BRI3: variants seen among roughly 807,000 people sequenced by gnomAD.
BRI3 encodes brain protein I3.
A neutral mutation model predicts 12.8 loss-of-function variants in BRI3; 6 were observed. The observed-to-expected ratio is 0.47, with a 90% CI of 0.26 to 0.93. BRI3 has a LOEUF of 0.93. Among genes scored for constraint, BRI3 ranks in the 40% least tolerant of loss-of-function variants. The probability of loss-of-function intolerance (pLI) is 0.15; values close to 1 mark genes in which losing one functional copy is unlikely to be tolerated. For synonymous variants in BRI3, 91 were observed against 76.1 expected, an observed-to-expected ratio of 1.20 and a Z score of -1.02; for missense variants, 134 against 171.1, an observed-to-expected ratio of 0.78 and a Z score of 1.21.
chr7:98,282,107 G>T (rs1799538276), intron 1 of BRI3, among the ~76,000 whole-genome samples, 170 bp downstream of exon 1: 2 of 152,152 alleles, frequency 1.3e-5, no homozygotes, highest in Non-Finnish European at 2.9e-5. Context: ...CCCCCCCGGG[G>T]CTCTAGTCCT....
At chr7:98,304,227 G>T (rs1800542834), upstream of BRI3, 1 of 1,611,048 alleles carries the variant, frequency 6.2e-7, no homozygotes, top group East Asian at 2.2e-5. Context: ...GGACGCTGGG[G>T]CCTTAAAGGT....
intron 2 of BRI3, among the ~76,000 whole-genome samples, chr7:98,288,211 T>G (rs990677865): frequency 6.6e-6 from 1 of 152,224 alleles, no homozygotes; most frequent in African/African-American, 2.4e-5. Context: ...CTGAGAGGCC[T>G]GAGGCCACTG....
chr7:98,282,323 C>T (rs1562955505), intron 1 of BRI3, 28 bp from the exon 2 acceptor site: 7 of 1,573,878 alleles, frequency 4.4e-6, no homozygotes, highest in East Asian at 2.2e-5. Context: ...CCTCCCTGCA[C>T]CCTAATGACC....
chr7:98,319,586 G>A, the BRI3 span, among the ~76,000 whole-genome samples: 3 of 140,188 alleles, frequency 2.1e-5, no homozygotes, highest in East Asian at 2.1e-4. Context: ...TTGCTCTGTC[G>A]CCCAGGCTGG....
intron 2 of BRI3, among the ~76,000 whole-genome samples, chr7:98,289,877 T>C (rs531267780): frequency 1.6e-4 from 24 of 152,344 alleles, no homozygotes; most frequent in African/African-American, 5.3e-4. Context: ...TGATTTCAGG[T>C]CACTGAACCT....
chr7:98,294,455 CAG>C (rs1800102254), downstream of BRI3, among the ~76,000 whole-genome samples: 1 of 152,234 alleles, frequency 6.6e-6, no homozygotes, highest in African/African-American at 2.4e-5. Flanking sequence ...TCCCAGGTGT[CAG>C]AGCGTGAACA....
chr7:98,320,337 C>T, the BRI3 span: 328 of 1,486,048 alleles, frequency 2.2e-4, 2 homozygotes, highest in East Asian at 5.2e-4. Context: ...GAAGCCATTG[C>T]GTATTTTTTT....
the BRI3 span, among the ~76,000 whole-genome samples, chr7:98,316,486 ACT>A: frequency 2.0e-5 from 3 of 152,128 alleles, no homozygotes; most frequent in Admixed American, 2.0e-4. Flanking sequence ...ACTCAGGGAA[ACT>A]CTACAGCCTT....
chr7:98,312,529 A>T (rs1019458827), downstream of BRI3, among the ~76,000 whole-genome samples: 6 of 152,118 alleles, frequency 3.9e-5, no homozygotes, highest in Admixed American at 2.0e-4. Flanking sequence ...GGGGATGGTA[A>T]ATGGTTAAGA....
At chr7:98,306,559 T>C (rs779147963) in exon 1 of BRI3, 9 of 1,613,790 alleles carry the variant, frequency 5.6e-6, no homozygotes, top group Middle Eastern at 1.6e-4. Flanking sequence ...GCAGTAGACA[T>C]GTGGACGGCA....
At chr7:98,296,428 C>T (rs1439117599), downstream of BRI3, among the ~76,000 whole-genome samples, 3 of 152,108 alleles carry the variant, frequency 2.0e-5, no homozygotes, top group Non-Finnish European at 4.4e-5. Context: ...GAGTTCGAGA[C>T]CAGCCTGACC....
At chr7:98,317,495 G>A in the BRI3 span, 3 of 1,094,392 alleles carry the variant, frequency 2.7e-6, 1 homozygote, top group South Asian at 4.4e-5. Flanking sequence ...ACACTGGCTG[G>A]GGCCCCCACA....
chr7:98,294,037 G>T, downstream of BRI3: 1 of 1,609,388 alleles, frequency 6.2e-7, no homozygotes, highest in Middle Eastern at 1.7e-4. Flanking sequence ...GAAGAGCAAT[G>T]TCACACACTG....
At chr7:98,285,978 G>A (rs1284027160) in intron 2 of BRI3, among the ~76,000 whole-genome samples, 2 of 152,200 alleles carry the variant, frequency 1.3e-5, no homozygotes, top group African/African-American at 4.8e-5. Flanking sequence ...GTTCCTGGGC[G>A]TGGATGGTGC....
chr7:98,283,747 C>G (rs1051736605), intron 2 of BRI3, among the ~76,000 whole-genome samples: 2 of 152,206 alleles, frequency 1.3e-5, no homozygotes, highest in African/African-American at 2.4e-5. Context: ...CGGTCCTGGT[C>G]CTGCCAGGAA....
At chr7:98,310,385 C>T in exon 2 of BRI3, 1 of 1,521,466 alleles carries the variant, frequency 6.6e-7, no homozygotes, top group Non-Finnish European at 8.9e-7. Context: ...ATTTATTTCA[C>T]AGCTTATCTT....
intron 2 of BRI3, among the ~76,000 whole-genome samples, chr7:98,289,284 C>T (rs1449701994): frequency 1.3e-5 from 2 of 152,218 alleles, no homozygotes; most frequent in Admixed American, 6.5e-5. Context: ...GTGGAAAGCC[C>T]GACTTCAGAA....
chr7:98,282,170 G>A (rs1043485109), intron 1 of BRI3, among the ~76,000 whole-genome samples, 181 bp from the exon 2 acceptor site: 3 of 152,220 alleles, frequency 2.0e-5, no homozygotes, highest in African/African-American at 7.2e-5. Context: ...TGAACTTTGT[G>A]TCACGAGGCG....
rs78257253 is a variant in BRI3 at position 98,290,927 on chromosome 7, G to T, written c.246-184G>T. On this transcript the variant is annotated intron_variant, in intron 2 of 2. Transcript: ENST00000297290. ...AACGGGTACGTGCAGCTGGTTCTTGGGGCTCTCCAGGCCAGTGGGCTGTAG... is the reference window on the plus strand; with the variant it reads ...AACGGGTACGTGCAGCTGGTTCTTGTGGCTCTCCAGGCCAGTGGGCTGTAG... Among the ~76,000 whole-genome samples the T allele has an allele frequency of 0.013, 1,940 of 152,110 alleles. 94 individuals carry two copies. The highest frequency in any genetic ancestry group is 0.076 in the Admixed American group (1,167 of 15,288).
Sources: allele counts gnomAD v4.1 joint callset (sites outside exome capture counted in the v4.1 genomes callset), GRCh38; gene constraint gnomAD v4.1.1; transcripts MANE v1.5; gene names NCBI Gene and HGNC (gene_info 2026-07-23, HGNC 2026-07-21).